Variants in PKD1L3 observed in about 807,000 individuals in gnomAD.
PKD1L3 encodes polycystin 1 like 3, transient receptor potential channel interacting.
In PKD1L3, 239 loss-of-function variants were observed where a neutral mutation model predicts 184.1. That is an observed-to-expected ratio of 1.30 (90% CI 1.17 to 1.45). The LOEUF is 1.45. Ranked by LOEUF, PKD1L3 falls within the 40% of genes most tolerant of loss-of-function variation. PKD1L3 has a pLI of 0.00. For synonymous variants in PKD1L3, 996 were observed against 778.8 expected (o/e 1.28, Z -4.64); for missense variants, 2,660 against 2,067.2 (o/e 1.29, Z -5.56).
At chr16:71,988,904 T>C (rs1449360035) in intron 4 of PKD1L3, among the ~76,000 whole-genome samples, 1 of 152,196 alleles carries the variant, frequency 6.6e-6, no homozygotes, top group Non-Finnish European at 1.5e-5. Flanking sequence ...TCTTAACAAG[T>C]CCTGTGCAGA....
chr16:71,989,908 C>G (rs572767468), intron 4 of PKD1L3, among the ~76,000 whole-genome samples: 1 of 151,878 alleles, frequency 6.6e-6, no homozygotes, highest in Non-Finnish European at 1.5e-5. Context: ...AACTCCATCT[C>G]TACTAAAAAT....
chr16:71,980,564 T>C (rs894968839), intron 7 of PKD1L3, among the ~76,000 whole-genome samples: 1 of 152,172 alleles, frequency 6.6e-6, no homozygotes, highest in East Asian at 1.9e-4. Context: ...CCGGGTGTGG[T>C]GGCTCATACC....
chr16:71,986,811 G>A (rs1157933200), intron 4 of PKD1L3, among the ~76,000 whole-genome samples: 2 of 150,562 alleles, frequency 1.3e-5, no homozygotes, highest in African/African-American at 4.9e-5. Context: ...TAGAGGCAGA[G>A]AAACAAATTA....
chr16:71,963,794 A>C (rs2039385315), intron 15 of PKD1L3, among the ~76,000 whole-genome samples: 1 of 152,152 alleles, frequency 6.6e-6, no homozygotes. Context: ...AAAAACAAAA[A>C]GAAAAGAGAG....
chr16:71,967,876 G>C, intron 14 of PKD1L3, 30 bp downstream of exon 14: 1 of 1,514,244 alleles, frequency 6.6e-7, no homozygotes, highest in Non-Finnish European at 9.0e-7. Flanking sequence ...GAAGACACAA[G>C]GCAATGTGAA....
rs1375391102 is a variant in PKD1L3, at chr16:71,942,654, G to C, written c.4230C>G (p.Ile1410Met). 1.3e-6 allele frequency: 2 copies of C among 1,551,736 alleles called. No individual in the cohort carries two copies. Among genetic ancestry groups the C allele is most frequent in the African/African-American group, 1.4e-5 (1 of 73,162 alleles). ...TCAGCACCATGGGCCTGGGTGAACAGATGTAACTGAACCTCCTTAGATGAA... is the reference window on the plus strand; with the variant it reads ...TCAGCACCATGGGCCTGGGTGAACACATGTAACTGAACCTCCTTAGATGAA... Reference protein sequence around the residue: ...PGLHLRRFSYICSPRPMVLIP... With the variant: ...PGLHLRRFSYMCSPRPMVLIP... Residue 1410 changes from isoleucine (I) to methionine (M), a missense_variant, in exon 24 of 30, where the codon ATC becomes ATG. Physicochemically the swap from Ile to Met is conservative, Grantham distance 10 (BLOSUM62 1). Transcript: ENST00000620267.
chr16:71,963,487 G>A, intron 15 of PKD1L3, 136 bp from the exon 16 acceptor site: 1 of 1,001,510 alleles, frequency 1.0e-6, no homozygotes. Context: ...CTAAGGAAAG[G>A]AAAGAAAGTT....
chr16:71,947,507 T>G lies in PKD1L3; in HGVS notation c.3703A>C (p.Ile1235Leu). The G allele has an allele frequency of 6.6e-7, 1 of 1,523,258 alleles. No homozygotes were observed. 94.4% of individuals were successfully genotyped at this position (1,523,258 alleles called of 1,614,324 possible). The change falls in exon 22 of 30, where the codon ATC becomes CTC. Residue 1235 changes from isoleucine to leucine, a missense_variant. Ile to Leu is a conservative substitution (Grantham distance 5, BLOSUM62 2). Transcript: ENST00000620267. ...NKENEQQTKR[I>L]LALLAKCSSS... ...CTTGAGTTACCCAAGAGTGCCAAGA[T>G]CCTCTTTGTTTGTTGTTCATTCTCT...
intron 5 of PKD1L3, among the ~76,000 whole-genome samples, chr16:71,984,827 C>G (rs977264813): frequency 1.3e-5 from 2 of 152,170 alleles, no homozygotes; most frequent in East Asian, 1.9e-4. Context: ...CCACTGCACT[C>G]CAGCCTGGGC....
chr16:71,995,815 CTTTA>C (rs1348331194), intron 2 of PKD1L3, among the ~76,000 whole-genome samples: 1 of 152,190 alleles, frequency 6.6e-6, no homozygotes, highest in Non-Finnish European at 1.5e-5. Context: ...CTGAATTCCC[CTTTA>C]TTTATAAATA....
At chr16:71,976,280 T>TTTTTTTTTTTTAA (rs1597350924) in intron 11 of PKD1L3, among the ~76,000 whole-genome samples, 3 of 147,932 alleles carry the variant, frequency 2.0e-5, no homozygotes, top group African/African-American at 2.5e-5. Context: ...TTTTTTTTTT[T>TTTTTTTTTTTTAA]AAGACAGTCT....
intron 23 of PKD1L3, 77 bp downstream of exon 23, chr16:71,943,953 C>A: frequency 1.4e-6 from 2 of 1,439,164 alleles, no homozygotes; most frequent in Non-Finnish European, 9.3e-7. Context: ...TCTTTATTTT[C>A]CATTTTATTC....
At chr16:71,933,876 A>G in intron 27 of PKD1L3, 39 bp downstream of exon 27, 3 of 1,539,074 alleles carry the variant, frequency 1.9e-6, no homozygotes, top group Non-Finnish European at 2.6e-6. Context: ...CCAAGACCAC[A>G]GCACACGGAG....
At chr16:71,981,730 G>T (rs1480705568) in intron 7 of PKD1L3, among the ~76,000 whole-genome samples, 2 of 151,900 alleles carry the variant, frequency 1.3e-5, no homozygotes, top group African/African-American at 4.8e-5. Context: ...TAGTAGAGAT[G>T]CAGTTTCGCC....
Position 71,947,479 on chromosome 16 carries a change from C to T in PKD1L3, c.3718+13G>A, listed in dbSNP as rs772336870. The T allele has an allele frequency of 3.3e-6, 5 of 1,502,528 alleles. No homozygotes were observed. In the South Asian group the frequency reaches 4.8e-5, roughly 15 times the overall value. The allele number at this position is 1,502,528 out of a possible 1,614,324, so 93.1% of individuals were successfully genotyped here. On this transcript the variant is annotated intron_variant, in intron 22 of 29. Coordinates refer to ENST00000620267, the MANE Select transcript of PKD1L3 (RefSeq NM_181536.2). ...TTGCAAAATTAGGTAGTTGTTAGAACTACTTGAGTTACCCAAGAGTGCCAA... is the reference window on the plus strand; with the variant it reads ...TTGCAAAATTAGGTAGTTGTTAGAATTACTTGAGTTACCCAAGAGTGCCAA...
At chr16:71,965,471 T>G (rs1020768789) in intron 15 of PKD1L3, among the ~76,000 whole-genome samples, 6 of 152,060 alleles carry the variant, frequency 3.9e-5, no homozygotes, top group African/African-American at 1.4e-4. Flanking sequence ...TTCTCTGAAG[T>G]GGCCATACCA....
In PKD1L3 at chr16:71,999,759, G is replaced by C. The variant is rs780623449; in HGVS notation, c.220C>G (p.Leu74Val). The C allele has an allele frequency of 1.3e-4, 199 of 1,551,624 alleles. No homozygotes were observed. Among genetic ancestry groups the C allele is most frequent in the Non-Finnish European group, 1.6e-4 (185 of 1,146,998 alleles). The change falls in exon 1 of 30, where the codon CTG becomes GTG. Residue 74 changes from leucine (L) to valine (V), a missense_variant. Leu to Val is a conservative substitution (Grantham distance 32). Coordinates refer to ENST00000620267, the MANE Select transcript of PKD1L3 (RefSeq NM_181536.2). ...ATCCACCACTTCTTTCCTTCTTCCA[G>C]ATAGTCCCGGATGAGATCTTGAACT... ...KEVQDLIRDYLEEGKKWWIGQ... is the reference protein window; with the variant it reads ...KEVQDLIRDYVEEGKKWWIGQ...
chr16:71,930,997 G>C (rs2037935437), intron 28 of PKD1L3: 1 of 152,174 alleles, frequency 6.6e-6, no homozygotes. Context: ...AGGTCAACCA[G>C]ATAATGTGGG....
At chr16:71,988,258 G>A (rs1012398224) in intron 4 of PKD1L3, among the ~76,000 whole-genome samples, 3 of 152,048 alleles carry the variant, frequency 2.0e-5, no homozygotes, top group African/African-American at 7.2e-5. Context: ...TCAGCGGTGC[G>A]ATCTTGGCTC....
Sources: allele counts gnomAD v4.1 joint callset (sites outside exome capture counted in the v4.1 genomes callset), GRCh38; gene constraint gnomAD v4.1.1; transcripts MANE v1.5; gene names NCBI Gene and HGNC (gene_info 2026-07-23, HGNC 2026-07-21).